ASH1L: variants seen among roughly 807,000 people sequenced by gnomAD.
ASH1L encodes the protein histone-lysine N-methyltransferase ASH1L.
A neutral mutation model predicts 269.0 loss-of-function variants in ASH1L; 23 were observed. That is an observed-to-expected ratio of 0.09 (90% confidence interval 0.06 to 0.12). The LOEUF (loss-of-function observed/expected upper bound fraction) is 0.12, where lower values mean the gene tolerates loss of function less well. ASH1L is among the 10% of genes least tolerant of loss of function. The probability of loss-of-function intolerance (pLI) is 1.00; values close to 1 mark genes in which losing one functional copy is unlikely to be tolerated. For missense variants in ASH1L, 2,912 were observed against 3,567.8 expected, an observed-to-expected ratio of 0.82 and a Z score of 4.68; for synonymous variants, 1,187 against 1,253.5, an observed-to-expected ratio of 0.95 and a Z score of 1.12.
At chr1:155,497,347 C>T (rs778830213) in intron 2 of ASH1L, among the ~76,000 whole-genome samples, 1 of 152,120 alleles carries the variant, frequency 6.6e-6, no homozygotes, top group Admixed American at 6.6e-5. Context: ...AAAGTTTGAA[C>T]TGTGCAGGCT....
chr1:155,459,352 T>C (rs938513116), intron 4 of ASH1L, among the ~76,000 whole-genome samples: 2 of 152,130 alleles, frequency 1.3e-5, no homozygotes, highest in African/African-American at 4.8e-5. Context: ...CACGCCACCA[T>C]GCCTGGCTAG....
intron 7 of ASH1L, among the ~76,000 whole-genome samples, chr1:155,384,307 T>C (rs1348707353): frequency 6.6e-6 from 1 of 152,160 alleles, no homozygotes. Flanking sequence ...CTGACAGATA[T>C]TTTCATTGGT....
intron 3 of ASH1L, among the ~76,000 whole-genome samples, chr1:155,471,863 G>C (rs1480407952): frequency 6.6e-6 from 1 of 152,182 alleles, no homozygotes; most frequent in African/African-American, 2.4e-5. Flanking sequence ...CTCTTAACTT[G>C]AGGTCTTCAC....
At chr1:155,535,188 T>TAAAA (rs762665819) in intron 1 of ASH1L, among the ~76,000 whole-genome samples, 3 of 137,604 alleles carry the variant, frequency 2.2e-5, no homozygotes, top group Non-Finnish European at 4.8e-5. Context: ...AAACTCCATT[T>TAAAA]AAAAAAAAAA....
chr1:155,532,965 G>GGAGAGA (rs10679513), intron 1 of ASH1L, among the ~76,000 whole-genome samples: 6 of 142,074 alleles, frequency 4.2e-5, no homozygotes, highest in African/African-American at 7.9e-5. Context: ...ATATATGGGG[G>GGAGAGA]GAGAGAGAGA....
At chr1:155,466,842 C>T (rs1007987309) in intron 3 of ASH1L, among the ~76,000 whole-genome samples, 2 of 152,034 alleles carry the variant, frequency 1.3e-5, no homozygotes, top group Admixed American at 1.3e-4. Flanking sequence ...ATAAACAGCA[C>T]TAGAGAAATT....
chr1:155,433,089 A>G (rs1661727085), intron 5 of ASH1L: 2 of 1,284,918 alleles, frequency 1.6e-6, no homozygotes, highest in South Asian at 1.5e-5. Flanking sequence ...TTAAACTGCT[A>G]TGACAGAGAT....
At chr1:155,477,284 TTCTA>T (rs1018402246) in intron 3 of ASH1L, among the ~76,000 whole-genome samples, 21 of 152,312 alleles carry the variant, frequency 1.4e-4, no homozygotes, top group South Asian at 6.2e-4. Flanking sequence ...TTTCTTTTTT[TTCTA>T]TCTAATTGAA....
rs1345323002 is a variant in ASH1L at position 155,415,768 on chromosome 1, T to A, written c.5984A>T (p.Tyr1995Phe). The A allele has an allele frequency of 6.2e-7, 1 of 1,614,092 alleles. No homozygotes were observed. The highest frequency in any genetic ancestry group is 8.5e-7 in the Non-Finnish European group (1 of 1,180,020). ...CTCTGTAGTTTTGTAAACGTCAGAA[T>A]ACAGCCCTGCTTTCTGATACTTCTT... ...PKKKYQKAGL[Y>F]SDVYKTTDPK... The change falls in exon 6 of 28, where the codon TAT becomes TTT. Residue 1995 changes from tyrosine to phenylalanine, a missense_variant. Tyr to Phe is a conservative substitution (Grantham distance 22). Around this residue, in one of 13 missense-constraint regions of ASH1L, gnomAD observed 193 missense variants for 311.6 expected, o/e 0.62. Transcript: ENST00000392403.
intron 2 of ASH1L, among the ~76,000 whole-genome samples, chr1:155,506,088 G>A (rs1441940037): frequency 1.3e-5 from 2 of 151,928 alleles, no homozygotes; most frequent in Non-Finnish European, 2.9e-5. Context: ...AACATGCAGT[G>A]TTTGGTTTTC....
chr1:155,364,737 C>T (rs1655252020), intron 12 of ASH1L, among the ~76,000 whole-genome samples: 1 of 151,788 alleles, frequency 6.6e-6, no homozygotes, highest in African/African-American at 2.4e-5. Flanking sequence ...CCCAGGAGTT[C>T]AAGACCAGCC....
At chr1:155,414,314 T>A (rs1428444224) in intron 6 of ASH1L, among the ~76,000 whole-genome samples, 1 of 150,486 alleles carries the variant, frequency 6.6e-6, no homozygotes, top group African/African-American at 2.5e-5. Flanking sequence ...ATTAAAAAAA[T>A]TTCTTTTTTT....
intron 5 of ASH1L, among the ~76,000 whole-genome samples, chr1:155,429,462 C>T (rs149690995): frequency 4.5e-4 from 68 of 152,092 alleles, no homozygotes; most frequent in Admixed American, 7.9e-4. Flanking sequence ...TTAGTAGAGA[C>T]GATGTTGCCT....
chr1:155,481,053 G>C lies in ASH1L; in HGVS notation c.1817C>G (p.Ser606Cys). ...SESVGKNQFTSESTHLNVGHR... is the reference protein window; with the variant it reads ...SESVGKNQFTCESTHLNVGHR... ...ACCAACGTTCAAGTGGGTACTTTCAGAAGTAAACTGGTTCTTTCCAACAGA... is the reference window on the plus strand; with the variant it reads ...ACCAACGTTCAAGTGGGTACTTTCACAAGTAAACTGGTTCTTTCCAACAGA... The change falls in exon 3 of 28, where the codon TCT (serine) becomes TGT (cysteine). Residue 606 changes from serine (S) to cysteine (C), a missense_variant. By Grantham distance (112) the Ser-to-Cys change is moderately radical. This residue lies in a region of ASH1L where 715 missense variants were observed against 721.0 expected (regional missense o/e 0.99). Coordinates refer to ENST00000392403, the MANE Select transcript of ASH1L (RefSeq NM_018489.3). 11 of 1,614,030 alleles carry C rather than the reference G, an allele frequency of 6.8e-6. No individual in the cohort carries two copies. The highest frequency in any genetic ancestry group is 9.3e-6 in the Non-Finnish European group (11 of 1,179,964).
chr1:155,455,974 C>T (rs1261059455), intron 4 of ASH1L, among the ~76,000 whole-genome samples: 1 of 152,020 alleles, frequency 6.6e-6, no homozygotes, highest in Non-Finnish European at 1.5e-5. Flanking sequence ...TTGGGGGTTC[C>T]AACTTTATGC....
At chr1:155,457,901 A>G (rs1007446709) in intron 4 of ASH1L, among the ~76,000 whole-genome samples, 2 of 152,192 alleles carry the variant, frequency 1.3e-5, no homozygotes, top group African/African-American at 4.8e-5. Context: ...GGGTTGGTGA[A>G]CTTTTTCTGT....
At chr1:155,500,960 T>A (rs1441980358) in intron 2 of ASH1L, among the ~76,000 whole-genome samples, 2 of 151,916 alleles carry the variant, frequency 1.3e-5, no homozygotes, top group African/African-American at 4.8e-5. Context: ...AGAATGAGAC[T>A]CTGTCTCTAA....
At chr1:155,411,077 T>C (rs576111505) in intron 6 of ASH1L, among the ~76,000 whole-genome samples, 4 of 152,290 alleles carry the variant, frequency 2.6e-5, no homozygotes, top group Admixed American at 2.6e-4. Flanking sequence ...TGTATCACAA[T>C]GGTGTGGTGT....
chr1:155,527,199 C>T (rs1185777342), intron 1 of ASH1L, among the ~76,000 whole-genome samples: 1 of 151,876 alleles, frequency 6.6e-6, no homozygotes, highest in Admixed American at 6.6e-5. Context: ...CAGAGCGAGA[C>T]TCCGTCTCAA....
Sources: gnomAD v4.1 joint callset for allele counts (sites outside exome capture counted in the v4.1 genomes callset) on GRCh38, gnomAD v4.1.1 for gene constraint, gnomAD v4.1.1 regional missense constraint, MANE v1.5 for transcripts, NCBI Gene and HGNC (gene_info 2026-07-23, HGNC 2026-07-21) for gene names.